Variants in PARVB observed in about 807,000 individuals in gnomAD.
PARVB encodes the protein parvin beta, also known as beta-parvin.
In PARVB, 46 loss-of-function variants were observed where a neutral mutation model predicts 47.0. The observed-to-expected ratio is 0.98, with a 90% CI of 0.77 to 1.25. The LOEUF is 1.25. Ranked by LOEUF, PARVB falls within the 50% of genes most tolerant of loss-of-function variation. The pLI is 0.00. For missense variants in PARVB, 473 were observed against 471.6 expected (o/e 1.00, Z -0.03); for synonymous variants, 196 against 196.3 (o/e 1.00, Z 0.01).
At chr22:44,095,572 C>T (rs555381760) in intron 2 of PARVB, among the ~76,000 whole-genome samples, 25 of 152,296 alleles carry the variant, frequency 1.6e-4, no homozygotes, top group Admixed American at 5.2e-4. Context: ...TTTGGGCCAG[C>T]CAGAGCTGCC....
upstream of PARVB, among the ~76,000 whole-genome samples, chr22:44,019,377 AC>A (rs1398571312): frequency 6.6e-6 from 1 of 150,436 alleles, no homozygotes; most frequent in African/African-American, 2.5e-5. Context: ...GCATCATGAC[AC>A]CCAGATAATT....
intron 1 of PARVB, among the ~76,000 whole-genome samples, chr22:44,088,526 A>G (rs562124234): frequency 5.3e-5 from 8 of 152,220 alleles, no homozygotes; most frequent in African/African-American, 1.9e-4. Context: ...GGCTGGAGTG[A>G]AGTGGCACAA....
intron 1 of PARVB, among the ~76,000 whole-genome samples, chr22:44,077,387 C>T (rs551858679): frequency 6.6e-6 from 1 of 152,276 alleles, no homozygotes; most frequent in Non-Finnish European, 1.5e-5. Context: ...TTAGGGCCCA[C>T]CCTAATGACC....
rs757047895 is a variant in PARVB at position 44,159,472 on chromosome 22, C to G, written c.945+1389C>G. ...GAGGAGGCTTGAGTCATCTGCCTTC[C>G]CCTCTGAATCGGAGCGAGGAAGGGA... is the stretch of plus-strand genomic sequence containing the variant. On this transcript the variant is annotated intron_variant, in intron 11 of 12. Coordinates refer to ENST00000338758, the MANE Select transcript of PARVB (RefSeq NM_013327.5). Among the ~76,000 whole-genome samples the G allele has an allele frequency of 6.6e-5, 10 of 152,166 alleles. No homozygotes were observed. In the East Asian group the frequency reaches 1.5e-3, roughly 24 times the overall value.
At chr22:44,081,754 G>A (rs1237022812) in intron 1 of PARVB, 1 of 315,880 alleles carries the variant, frequency 3.2e-6, no homozygotes, top group African/African-American at 2.2e-5. Flanking sequence ...GGCTCGGAGG[G>A]GCGGTGACGG....
intron 8 of PARVB, chr22:44,142,086 A>T (rs978467635): frequency 1.8e-4 from 28 of 152,108 alleles, no homozygotes; most frequent in African/African-American, 6.5e-4. Flanking sequence ...AGGCCTAAAG[A>T]TGAGGAGAGG....
rs959831283 is a variant in PARVB, at chr22:44,154,536, T to G, written c.843+2985T>G. Among the ~76,000 whole-genome samples, 28 of 107,096 alleles carry G rather than the reference T, an allele frequency of 2.6e-4. 1 individual carries two copies. Among genetic ancestry groups the G allele is most frequent in the Admixed American group, 8.4e-4 (8 of 9,492 alleles). 70.3% of individuals were successfully genotyped at this position (107,096 alleles called of 152,430 possible). A position where few individuals can be genotyped will look rare whatever the true frequency, so the allele number is the denominator to read the frequency against. On this transcript the variant is annotated intron_variant, in intron 10 of 12. Coordinates refer to ENST00000338758, the MANE Select transcript of PARVB (RefSeq NM_013327.5). ...TGTGTGGTTTATGTAGTCTGGTGGG[T>G]GTGTGTGTGTGTGTGTGTGTGGTTT...
chr22:44,007,757 C>T (rs2050480952), intron 2 of PARVB, among the ~76,000 whole-genome samples: 1 of 152,158 alleles, frequency 6.6e-6, no homozygotes, highest in South Asian at 2.1e-4. Flanking sequence ...GAGCAACCAT[C>T]ACCACCACCC....
intron 4 of PARVB, among the ~76,000 whole-genome samples, chr22:44,121,293 T>C (rs915534558): frequency 1.3e-5 from 2 of 152,174 alleles, no homozygotes; most frequent in Non-Finnish European, 2.9e-5. Context: ...TGAGCTACCA[T>C]GCTCAGCCCT....
At chr22:44,066,817 CTCCTCT>C (rs1232142541) in intron 1 of PARVB, among the ~76,000 whole-genome samples, 43 of 147,392 alleles carry the variant, frequency 2.9e-4, no homozygotes, top group African/African-American at 8.6e-4. Flanking sequence ...CCTCCTCCTC[CTCCTCT>C]TCCTCCTCCA....
At chr22:44,146,641 T>A (rs1432700060) in intron 8 of PARVB, 1 of 152,418 alleles carries the variant, frequency 6.6e-6, no homozygotes, top group African/African-American at 2.4e-5. Flanking sequence ...GTCTCTGGCT[T>A]ACCTGGGCCT....
intron 4 of PARVB, among the ~76,000 whole-genome samples, chr22:44,126,278 A>G (rs1354810050): frequency 1.3e-5 from 2 of 152,234 alleles, no homozygotes; most frequent in Non-Finnish European, 2.9e-5. Context: ...CCATCTTAGA[A>G]TGAGATCCCA....
chr22:44,122,916 G>A (rs2053102366), intron 4 of PARVB, among the ~76,000 whole-genome samples: 1 of 152,124 alleles, frequency 6.6e-6, no homozygotes, highest in African/African-American at 2.4e-5. Context: ...GGGCATTTTT[G>A]TCATTTCTAA....
chr22:44,083,146 A>G (rs2051946118), intron 1 of PARVB, among the ~76,000 whole-genome samples: 1 of 152,178 alleles, frequency 6.6e-6, no homozygotes, highest in Non-Finnish European at 1.5e-5. Flanking sequence ...CTGCCAGGCT[A>G]ATGTAAACCT....
At chr22:44,165,149 G>A (rs2054139849) in intron 12 of PARVB, among the ~76,000 whole-genome samples, 1 of 152,132 alleles carries the variant, frequency 6.6e-6, no homozygotes, top group Admixed American at 6.5e-5. Context: ...ATACCACCAT[G>A]CCCGGCTAAT....
intron 1 of PARVB, among the ~76,000 whole-genome samples, chr22:44,064,550 T>C (rs749633246): frequency 1.6e-4 from 24 of 152,246 alleles, no homozygotes; most frequent in South Asian, 4.1e-4. Flanking sequence ...CTTAAGACAT[T>C]ACTCCAGGTA....
chr22:44,091,883 G>A (rs528174601), intron 1 of PARVB, among the ~76,000 whole-genome samples: 66 of 152,174 alleles, frequency 4.3e-4, no homozygotes, highest in African/African-American at 1.5e-3. Flanking sequence ...TATTACCTTC[G>A]GGGGAGTGGG....
At chr22:44,137,494 T>G (rs79339761) in intron 7 of PARVB, among the ~76,000 whole-genome samples, 1,604 of 152,342 alleles carry the variant, frequency 0.011, 23 homozygotes, top group African/African-American at 0.033. Context: ...AGTTGTTTAT[T>G]GTTGTGTAAC....
intron 2 of PARVB, among the ~76,000 whole-genome samples, chr22:44,096,189 C>T (rs970290829): frequency 4.6e-5 from 7 of 152,176 alleles, no homozygotes; most frequent in African/African-American, 9.7e-5. Flanking sequence ...TGCACCACTG[C>T]GCTCCAGCCT....
Sources: allele counts gnomAD v4.1 joint callset (sites outside exome capture counted in the v4.1 genomes callset), GRCh38; gene constraint gnomAD v4.1.1; transcripts MANE v1.5; gene names NCBI Gene and HGNC (gene_info 2026-07-23, HGNC 2026-07-21).